SYN3: variants seen among roughly 807,000 people sequenced by gnomAD.
The protein encoded by SYN3 is synapsin-3.
Under a neutral mutation model 65.8 loss-of-function variants are expected in SYN3, and 35 were observed. The ratio of observed to expected loss-of-function variants is 0.53; its 90% CI spans 0.41 to 0.70. SYN3 has a LOEUF of 0.70. Ranked by LOEUF, SYN3 falls within the 30% of genes least tolerant of loss-of-function variation. SYN3 has a pLI of 0.00. For missense variants in SYN3, 680 were observed against 749.0 expected, an observed-to-expected ratio of 0.91 and a Z score of 1.08; for synonymous variants, 270 against 292.9, an observed-to-expected ratio of 0.92 and a Z score of 0.80.
rs562584679 is a variant in SYN3 at position 32,631,753 on chromosome 22, C to T, written c.712-35017G>A. ...TGAGGTAGGTACTGTTAAGATTTTC[C>T]GCTTTACAGATGAAGACATTGAGGT... On this transcript the variant is annotated intron_variant, in intron 6 of 13. Coordinates refer to ENST00000358763, the MANE Select transcript of SYN3 (RefSeq NM_003490.4). 2.2e-4 allele frequency among the ~76,000 whole-genome samples: 34 copies of T among 152,216 alleles called. No homozygotes were observed. The South Asian group carries it at 4.8e-3, about 21-fold the overall frequency.
intron 9 of SYN3, among the ~76,000 whole-genome samples, chr22:32,535,021 C>T (rs1246123155): frequency 6.6e-6 from 1 of 152,066 alleles, no homozygotes; most frequent in African/African-American, 2.4e-5. Context: ...ATGTTCCAGG[C>T]ATTCTGGGCC....
intron 6 of SYN3, among the ~76,000 whole-genome samples, chr22:32,716,005 G>A (rs1238498486): frequency 6.6e-6 from 1 of 152,152 alleles, no homozygotes; most frequent in South Asian, 2.1e-4. Context: ...GTGGCTGTCA[G>A]CTGAGCCTTA....
At chr22:33,019,271 T>C (rs560790032) in intron 1 of SYN3, among the ~76,000 whole-genome samples, 2 of 152,342 alleles carry the variant, frequency 1.3e-5, no homozygotes, top group African/African-American at 2.4e-5. Flanking sequence ...CAAAAGTCCA[T>C]ATCCTTTGTA....
intron 6 of SYN3, among the ~76,000 whole-genome samples, chr22:32,634,207 G>A (rs8140208): frequency 6.6e-6 from 1 of 152,082 alleles, no homozygotes; most frequent in Non-Finnish European, 1.5e-5. Flanking sequence ...TAAGGAAACT[G>A]GAGGCACAGA....
chr22:32,855,413 T>G (rs1447941030), intron 6 of SYN3, among the ~76,000 whole-genome samples: 1 of 152,160 alleles, frequency 6.6e-6, no homozygotes, highest in African/African-American at 2.4e-5. Flanking sequence ...GGTCATAGAC[T>G]TCTGAGGCTT....
intron 6 of SYN3, among the ~76,000 whole-genome samples, chr22:32,607,433 T>C (rs971128031): frequency 1.3e-5 from 2 of 152,130 alleles, no homozygotes; most frequent in Non-Finnish European, 2.9e-5. Flanking sequence ...GTGCCCAAGA[T>C]AGAGATCCTG....
At chr22:33,015,505 G>T in intron 1 of SYN3, 1 of 190,032 alleles carries the variant, frequency 5.3e-6, no homozygotes. Context: ...AGTGCCAGCT[G>T]TTTCTGTACA....
At chr22:32,795,258 G>C (rs778315878) in intron 6 of SYN3, among the ~76,000 whole-genome samples, 3 of 152,234 alleles carry the variant, frequency 2.0e-5, no homozygotes, top group Non-Finnish European at 4.4e-5. Flanking sequence ...GATAGAGAAA[G>C]ACTCTGGGGA....
At chr22:32,745,588 C>T (rs557576230) in intron 6 of SYN3, among the ~76,000 whole-genome samples, 6 of 152,288 alleles carry the variant, frequency 3.9e-5, no homozygotes, top group African/African-American at 1.2e-4. Context: ...GTCTGCAAGA[C>T]GCAGCCACTG....
intron 2 of SYN3, among the ~76,000 whole-genome samples, chr22:32,988,182 C>A (rs1024457040): frequency 1.3e-5 from 2 of 151,978 alleles, no homozygotes; most frequent in African/African-American, 2.4e-5. Context: ...TGGTGCATGC[C>A]TGTAATCCCA....
intron 6 of SYN3, among the ~76,000 whole-genome samples, chr22:32,652,853 T>G (rs2060092444): frequency 6.6e-6 from 1 of 152,094 alleles, no homozygotes; most frequent in Non-Finnish European, 1.5e-5. Flanking sequence ...CCCACAGAAT[T>G]GCCTCTCCCT....
At chr22:32,667,668 T>C (rs2060306712) in intron 6 of SYN3, among the ~76,000 whole-genome samples, 1 of 152,192 alleles carries the variant, frequency 6.6e-6, no homozygotes, top group Non-Finnish European at 1.5e-5. Context: ...TTTATCTCCA[T>C]AAGGCATCAT....
At chr22:32,871,166 AT>A (rs772405621) in intron 4 of SYN3, among the ~76,000 whole-genome samples, 8 of 152,072 alleles carry the variant, frequency 5.3e-5, no homozygotes, top group South Asian at 2.1e-4. Flanking sequence ...CCAGCCTCCT[AT>A]TTTTTTTCCC....
intron 8 of SYN3, among the ~76,000 whole-genome samples, chr22:32,538,641 C>T (rs1416960664): frequency 6.6e-6 from 1 of 152,158 alleles, no homozygotes; most frequent in Non-Finnish European, 1.5e-5. Context: ...ATGGCTCTTT[C>T]CCAATGTCAT....
chr22:32,543,635 C>A (rs1449598309), intron 7 of SYN3, among the ~76,000 whole-genome samples: 1 of 152,166 alleles, frequency 6.6e-6, no homozygotes, highest in Non-Finnish European at 1.5e-5. Context: ...GCCTTCTAAG[C>A]CCTTGGTTTT....
chr22:32,901,792 A>G (rs2049767383), intron 4 of SYN3, among the ~76,000 whole-genome samples: 1 of 152,254 alleles, frequency 6.6e-6, no homozygotes, highest in Non-Finnish European at 1.5e-5. Context: ...AAATCCAGGC[A>G]GTCTAGCTGC....
intron 1 of SYN3, among the ~76,000 whole-genome samples, chr22:33,037,803 A>C (rs1029237410): frequency 6.6e-6 from 1 of 152,204 alleles, no homozygotes; most frequent in Non-Finnish European, 1.5e-5. Flanking sequence ...AGGGAAAGGA[A>C]GGTGTTACCT....
intron 7 of SYN3, among the ~76,000 whole-genome samples, chr22:32,591,856 G>C (rs1274992718): frequency 6.6e-6 from 1 of 152,124 alleles, no homozygotes; most frequent in Non-Finnish European, 1.5e-5. Context: ...GCACCACCCA[G>C]CTCCATTCTG....
At chr22:32,557,321 T>G (rs547927354) in intron 7 of SYN3, among the ~76,000 whole-genome samples, 22 of 152,238 alleles carry the variant, frequency 1.4e-4, no homozygotes, top group African/African-American at 4.6e-4. Flanking sequence ...GGGGGATGGG[T>G]GCAGAAGTCT....
Sources: gnomAD v4.1 joint callset for allele counts (sites outside exome capture counted in the v4.1 genomes callset) on GRCh38, gnomAD v4.1.1 for gene constraint, MANE v1.5 for transcripts, NCBI Gene and HGNC (gene_info 2026-07-23, HGNC 2026-07-21) for gene names.